Variants in SETX observed in about 807,000 individuals in gnomAD.
SETX encodes the protein helicase senataxin.
Under a neutral mutation model 227.2 loss-of-function variants are expected in SETX, and 90 were observed. The ratio of observed to expected loss-of-function variants is 0.40; its 90% CI spans 0.33 to 0.47. The LOEUF is 0.47. SETX is among the 20% of genes least tolerant of loss of function. The pLI, the probability that SETX is intolerant of heterozygous loss-of-function variation, is 0.91. For synonymous variants in SETX, 1,210 were observed against 1,113.2 expected (o/e 1.09, Z -1.73); for missense variants, 3,052 against 3,181.5 (o/e 0.96, Z 0.98).
chr9:132,286,869 C>T (rs897048096), intron 17 of SETX, among the ~76,000 whole-genome samples: 9 of 152,356 alleles, frequency 5.9e-5, no homozygotes, highest in African/African-American at 2.2e-4. Flanking sequence ...AGGGATTAGA[C>T]CTGCTTGCTC....
chr9:132,277,254 G>T (rs1843213943), intron 21 of SETX, 102 bp from the exon 22 acceptor site: 3 of 908,628 alleles, frequency 3.3e-6, no homozygotes, highest in Admixed American at 2.0e-5. Context: ...GTGGGCTGGG[G>T]CAAGTAAGGG....
In SETX at chr9:132,329,672, G is replaced by A. The variant is rs1425343939; in HGVS notation, c.1926C>T (p.Ser642=). The A allele has an allele frequency of 5.6e-6, 9 of 1,613,652 alleles. 1 individual carries two copies. In the South Asian group the frequency reaches 8.8e-5, roughly 16 times the overall value. Reference sequence around the variant, plus strand: ...TCATTGGTTCTTTAGAAAATGTTGGGCTGGAAGCTTCCAAACAATGCATAT... The same window carrying A: ...TCATTGGTTCTTTAGAAAATGTTGGACTGGAAGCTTCCAAACAATGCATAT... ...RKDMHCLEAS[S]PTFSKEPMKV... The change falls in exon 10 of 26, where the codon AGC becomes AGT. Residue 642 remains serine (S), a synonymous_variant. Transcript: ENST00000224140.
At chr9:132,334,796 A>G in intron 6 of SETX, 69 bp from the exon 7 acceptor site, 12 of 1,547,460 alleles carry the variant, frequency 7.8e-6, no homozygotes, top group Non-Finnish European at 9.8e-6. Context: ...TTTAGTTTGC[A>G]AAAGAATAAC....
chr9:132,312,950 CA>C (rs1845750307), intron 10 of SETX, among the ~76,000 whole-genome samples: 2 of 152,104 alleles, frequency 1.3e-5, no homozygotes, highest in South Asian at 4.1e-4. Flanking sequence ...GGATAGGCCT[CA>C]AAAAGATTAC....
Position 132,296,898 on chromosome 9 carries a change from G to A in SETX, c.5938C>T (p.Leu1980=), listed in dbSNP as rs867574108. 2.5e-6 allele frequency: 4 copies of A among 1,614,042 alleles called. No homozygotes were observed. The Middle Eastern group carries it at 6.6e-4, about 266-fold the overall frequency. ...TCACCCATACCTACCTCTGTCAGTA[G>A]ACGATAGAGGAGGCCAACAATAGTT... ...SKTIVGLLYR[L]LTENQRKGHS... Residue 1980 remains leucine, a synonymous_variant, in exon 14 of 26, where the codon CTA becomes TTA. Coordinates refer to ENST00000224140, the MANE Select transcript of SETX (RefSeq NM_015046.7).
chr9:132,316,534 T>C (rs1008293741), intron 10 of SETX, among the ~76,000 whole-genome samples: 1 of 152,240 alleles, frequency 6.6e-6, no homozygotes, highest in Admixed American at 6.5e-5. Context: ...TAAACTGACA[T>C]TTTGATATTT....
intron 5 of SETX, among the ~76,000 whole-genome samples, chr9:132,341,780 A>T (rs951649903): frequency 1.3e-5 from 2 of 152,024 alleles, no homozygotes; most frequent in African/African-American, 4.8e-5. Flanking sequence ...CCTTGCCTGG[A>T]GTATACTTCT....
At chr9:132,273,854 T>C (rs949219395) in intron 23 of SETX, among the ~76,000 whole-genome samples, 4 of 152,092 alleles carry the variant, frequency 2.6e-5, no homozygotes, top group Non-Finnish European at 5.9e-5. Context: ...GCATTAAGAG[T>C]TTCAAACATC....
intron 23 of SETX, among the ~76,000 whole-genome samples, chr9:132,272,087 G>A (rs1468999914): frequency 6.6e-6 from 1 of 151,950 alleles, no homozygotes. Context: ...TTTCACTGTG[G>A]TCTCCATCTC....
At chr9:132,300,582 ATGAGACTGTATC>A (rs1457563410) in intron 12 of SETX, 36 bp downstream of exon 12, 1 of 1,574,484 alleles carries the variant, frequency 6.4e-7, no homozygotes, top group Admixed American at 1.7e-5. Flanking sequence ...AGATTATTAG[ATGAGACTGTATC>A]TGACATTTCC....
chr9:132,283,051 T>G (rs1843632170), intron 19 of SETX: 6 of 597,172 alleles, frequency 1.0e-5, no homozygotes, highest in Non-Finnish European at 1.8e-5. Context: ...TCAGTCATCC[T>G]CAAGACTAAC....
At chr9:132,331,233 T>TC in intron 8 of SETX, 44 bp downstream of exon 8, 1 of 1,612,286 alleles carries the variant, frequency 6.2e-7, no homozygotes, top group Non-Finnish European at 8.5e-7. Flanking sequence ...GAACACACTT[T>TC]CTTATAGAGA....
intron 4 of SETX, among the ~76,000 whole-genome samples, chr9:132,343,102 A>C (rs1252828792): frequency 6.6e-6 from 1 of 151,930 alleles, no homozygotes; most frequent in East Asian, 1.9e-4. Context: ...GGCGGATCAC[A>C]AGGTCAGGAG....
At chr9:132,284,643 C>T (rs753711536) in intron 18 of SETX, among the ~76,000 whole-genome samples, 4 of 152,314 alleles carry the variant, frequency 2.6e-5, no homozygotes, top group African/African-American at 9.6e-5. Context: ...CAAAATGTTA[C>T]AGGAGTCTTA....
chr9:132,303,856 T>C (rs1475708421), intron 11 of SETX, among the ~76,000 whole-genome samples: 1 of 152,164 alleles, frequency 6.6e-6, no homozygotes, highest in African/African-American at 2.4e-5. Context: ...GCGCAGTAGC[T>C]CACGTCTGTA....
chr9:132,292,189 TC>T (rs1167172821), intron 15 of SETX, among the ~76,000 whole-genome samples: 1 of 152,066 alleles, frequency 6.6e-6, no homozygotes, highest in African/African-American at 2.4e-5. Flanking sequence ...ATGCCTGTAA[TC>T]CCAGCACCTT....
chr9:132,282,461 T>C (rs1843598433), intron 19 of SETX, among the ~76,000 whole-genome samples: 1 of 151,966 alleles, frequency 6.6e-6, no homozygotes, highest in African/African-American at 2.4e-5. Context: ...GGCTCATTTT[T>C]GTCTTTTTAG....
Position 132,277,157 on chromosome 9 carries a change from A to G in SETX, c.6843-5T>C. 6 of 415,618 alleles carry G rather than the reference A, an allele frequency of 1.4e-5. No homozygotes were observed. Among genetic ancestry groups the G allele is most frequent in the Non-Finnish European group, 2.2e-5 (6 of 270,962 alleles). The allele number at this position is 415,618 out of a possible 1,614,324, so 25.7% of individuals were successfully genotyped here. A position where few individuals can be genotyped will look rare whatever the true frequency, so the allele number is the denominator to read the frequency against. On this transcript the variant is annotated splice_region_variant and splice_polypyrimidine_tract_variant and intron_variant, in intron 21 of 25. Coordinates refer to ENST00000224140, the MANE Select transcript of SETX (RefSeq NM_015046.7). ...CATCGAATGGCTTCTGTCTGTCTGT[A>G]AAAAAAAAAAAGCAGTCAACATTCA...
intron 18 of SETX, among the ~76,000 whole-genome samples, chr9:132,284,606 C>T (rs1031207669): frequency 2.6e-5 from 4 of 152,176 alleles, no homozygotes; most frequent in Non-Finnish European, 5.9e-5. Flanking sequence ...GATATTTTCA[C>T]ATCCAAAAAA....
Sources: gnomAD v4.1 joint callset for allele counts (sites outside exome capture counted in the v4.1 genomes callset) on GRCh38, gnomAD v4.1.1 for gene constraint, MANE v1.5 for transcripts, NCBI Gene and HGNC (gene_info 2026-07-23, HGNC 2026-07-21) for gene names.